The following TMEM132B variants were observed in gnomAD, a reference collection of about 807,000 sequenced individuals.
TMEM132B encodes transmembrane protein 132B.
In TMEM132B, 18 loss-of-function variants were observed where a neutral mutation model predicts 90.8. The ratio of observed to expected loss-of-function variants is 0.20; its 90% CI spans 0.14 to 0.29. The LOEUF is 0.29. Among genes scored for constraint, TMEM132B ranks in the 10% least tolerant of loss-of-function variants. The pLI is 1.00. For synonymous variants in TMEM132B, 504 were observed against 523.3 expected (o/e 0.96, Z 0.50); for missense variants, 1,096 against 1,326.8 (o/e 0.83, Z 2.70).
chr12:125,388,397 C>A (rs1387716888), intron 2 of TMEM132B, among the ~76,000 whole-genome samples: 3 of 152,108 alleles, frequency 2.0e-5, no homozygotes, highest in African/African-American at 7.2e-5. Flanking sequence ...CCATTGCACT[C>A]CAGCCTGGGC....
At position 125,492,136 on chromosome 12, in the gene TMEM132B, G is replaced by A. The variant is rs907349246; in HGVS notation, c.1107-27303G>A. 2.0e-5 allele frequency among the ~76,000 whole-genome samples: 3 copies of A among 152,192 alleles called. No individual in the cohort carries two copies. Among genetic ancestry groups the A allele is most frequent in the Admixed American group, 6.5e-5 (1 of 15,292 alleles). ...TGGGGATCTGGGTTTCTGGGGAAGG[G>A]TGAGAGTGCCCTGCTGCCCGCCCCC... On this transcript the variant is annotated intron_variant, in intron 3 of 8. Transcript: ENST00000682704. This position sits in a 1 kb window ranked among gnomAD's most constrained non-coding sequence, Gnocchi z 5.8.
chr12:125,371,061 G>T (rs555773669), intron 2 of TMEM132B, among the ~76,000 whole-genome samples: 1 of 152,282 alleles, frequency 6.6e-6, no homozygotes, highest in East Asian at 1.9e-4. Flanking sequence ...GGAAGTCACT[G>T]GTGTAAGTCC....
In TMEM132B at chr12:125,407,852, C is replaced by T. The variant is rs183230167; in HGVS notation, c.960-7679C>T. Among the ~76,000 whole-genome samples the T allele has an allele frequency of 2.6e-5, 4 of 152,362 alleles. No individual in the cohort carries two copies. The highest frequency in any genetic ancestry group is 3.9e-4 in the East Asian group (2 of 5,188). ...ACCATGTCCTCCTGGCTCTGACTTA[C>T]GTCCCTGTTACAATGCACTTGCTCT... is the stretch of plus-strand genomic sequence containing the variant. On this transcript the variant is annotated intron_variant, in intron 2 of 8. Coordinates refer to ENST00000682704, the MANE Select transcript of TMEM132B (RefSeq NM_001366854.1). This position sits in a 1 kb window ranked among gnomAD's most constrained non-coding sequence, Gnocchi z 6.7.
At chr12:125,572,559 T>A (rs1377914150) in intron 4 of TMEM132B, among the ~76,000 whole-genome samples, 1 of 152,226 alleles carries the variant, frequency 6.6e-6, no homozygotes, top group Non-Finnish European at 1.5e-5. Flanking sequence ...TGTGGCATTC[T>A]GTTATAGCAG....
intron 3 of TMEM132B, among the ~76,000 whole-genome samples, chr12:125,420,460 T>G (rs986103080): frequency 6.6e-6 from 1 of 152,172 alleles, no homozygotes; most frequent in Non-Finnish European, 1.5e-5. Context: ...CCCCGTTTAG[T>G]CATGGCTAGA....
intron 1 of TMEM132B, among the ~76,000 whole-genome samples, chr12:125,226,618 G>C (rs1418567888): frequency 6.6e-6 from 1 of 152,210 alleles, no homozygotes; most frequent in African/African-American, 2.4e-5. Flanking sequence ...GTGGTAAGAG[G>C]TTAGCTTTAG....
In TMEM132B at chr12:125,406,622, A is replaced by G. The variant is rs1879490999; in HGVS notation, c.960-8909A>G. Among the ~76,000 whole-genome samples, 1 of 152,126 alleles carries G rather than the reference A, an allele frequency of 6.6e-6. No homozygotes were observed. The highest frequency in any genetic ancestry group is 2.1e-4 in the South Asian group (1 of 4,832). The stretch of plus-strand genomic sequence containing the variant: ...GGTGGATGATATGGGGTATAAAAAT[A>G]TTTCACAGTCTTGATGGCGTGAGTT... On this transcript the variant is annotated intron_variant, in intron 2 of 8. Coordinates refer to ENST00000682704, the MANE Select transcript of TMEM132B (RefSeq NM_001366854.1). This position sits in a 1 kb window ranked among gnomAD's most constrained non-coding sequence, Gnocchi z 8.3.
chr12:125,352,295 G>T (rs1877613198), intron 2 of TMEM132B, among the ~76,000 whole-genome samples: 2 of 152,238 alleles, frequency 1.3e-5, no homozygotes, highest in African/African-American at 4.8e-5. Flanking sequence ...TTCTTTCTCT[G>T]CAGTAAATAA....
At position 125,490,242 on chromosome 12, in the gene TMEM132B, A is replaced by T. The variant is rs1452087332; in HGVS notation, c.1107-29197A>T. Among the ~76,000 whole-genome samples the T allele has an allele frequency of 6.6e-6, 1 of 152,130 alleles. No homozygotes were observed. Among genetic ancestry groups the T allele is most frequent in the Non-Finnish European group, 1.5e-5 (1 of 68,028 alleles). On this transcript the variant is annotated intron_variant, in intron 3 of 8. Transcript: ENST00000682704. The surrounding 1 kb of genome is among the most constrained non-coding windows in gnomAD (Gnocchi z 4.2). ...AATTAAATTCTCATATAACTTGGCA[A>T]TGTAGATGTTATCCTCATTTACAGA...
At chr12:125,194,816 T>C (rs1160781697) in intron 1 of TMEM132B, among the ~76,000 whole-genome samples, 1 of 152,060 alleles carries the variant, frequency 6.6e-6, no homozygotes, top group Non-Finnish European at 1.5e-5. Flanking sequence ...AGGCATGGTG[T>C]AGATGGAAAA....
chr12:125,256,991 TATTAGAA>T (rs953196853), intron 1 of TMEM132B, among the ~76,000 whole-genome samples: 1 of 152,162 alleles, frequency 6.6e-6, no homozygotes, highest in African/African-American at 2.4e-5. Flanking sequence ...GCCTGGGATT[TATTAGAA>T]ATTGCAGTTT....
At chr12:125,548,176 T>G (rs1034225306) in intron 4 of TMEM132B, among the ~76,000 whole-genome samples, 2 of 152,120 alleles carry the variant, frequency 1.3e-5, no homozygotes, top group Non-Finnish European at 2.9e-5. Flanking sequence ...AAAAGAGTTC[T>G]GGAGGGTCTT....
chr12:125,391,437 G>A (rs368956062), intron 2 of TMEM132B, among the ~76,000 whole-genome samples: 1 of 152,112 alleles, frequency 6.6e-6, no homozygotes, highest in Non-Finnish European at 1.5e-5. Context: ...TATATCACTT[G>A]CCTGGTCCTG....
At chr12:125,591,166 A>T (rs1425897200) in intron 5 of TMEM132B, among the ~76,000 whole-genome samples, 1 of 152,110 alleles carries the variant, frequency 6.6e-6, no homozygotes, top group South Asian at 2.1e-4. Context: ...TTTGCAAAAG[A>T]TGTATTTTCA....
At chr12:125,262,636 T>C (rs1874594809) in intron 1 of TMEM132B, among the ~76,000 whole-genome samples, 1 of 152,220 alleles carries the variant, frequency 6.6e-6, no homozygotes, top group African/African-American at 2.4e-5. Context: ...TCTTGAACTA[T>C]AGTTTTTCTT....
chr12:125,274,991 C>A (rs191048287), intron 1 of TMEM132B, among the ~76,000 whole-genome samples: 1 of 152,102 alleles, frequency 6.6e-6, no homozygotes, highest in Non-Finnish European at 1.5e-5. Flanking sequence ...TACAATAATC[C>A]GCAAAGCTAG....
chr12:125,253,434 CTTTT>C (rs1317549570), intron 1 of TMEM132B, among the ~76,000 whole-genome samples: 1 of 139,064 alleles, frequency 7.2e-6, no homozygotes, highest in East Asian at 2.1e-4. Context: ...TTCCCCCCCA[CTTTT>C]TTTTTTTTTT....
rs758627102 is a variant in TMEM132B, at chr12:125,653,628, G to A, written c.2170G>A (p.Asp724Asn). The A allele has an allele frequency of 5.6e-6, 9 of 1,614,170 alleles. No homozygotes were observed. The highest frequency in any genetic ancestry group is 1.1e-5 in the South Asian group (1 of 91,086). ...DGSVTPLDIY[D>N]PKDYSVTVSS... ...TTCGGTGACACCTTTAGACATTTAC[G>A]ATCCTAAGGATTATTCTGTTACTGT... Residue 724 changes from aspartate to asparagine, a missense_variant, in exon 9 of 9, where the codon GAT becomes AAT. Coordinates refer to ENST00000682704, the MANE Select transcript of TMEM132B (RefSeq NM_001366854.1).
intron 1 of TMEM132B, among the ~76,000 whole-genome samples, chr12:125,255,133 C>T (rs977329785): frequency 1.2e-4 from 19 of 152,170 alleles, no homozygotes; most frequent in African/African-American, 4.3e-4. Context: ...CCGAAATCCA[C>T]GTGATGTGCC....
Sources: allele counts gnomAD v4.1 joint callset (sites outside exome capture counted in the v4.1 genomes callset), GRCh38; gene constraint gnomAD v4.1.1; non-coding constraint Gnocchi (gnomAD v3.1); transcripts MANE v1.5; gene names NCBI Gene and HGNC (gene_info 2026-07-23, HGNC 2026-07-21).